The following DET1 variants were observed in gnomAD, a reference collection of about 807,000 sequenced individuals.
DET1 encodes the protein DET1 partner of COP1 E3 ubiquitin ligase.
DET1 carries 22 observed loss-of-function variants against 43.7 expected under a neutral mutation model. The observed-to-expected ratio is 0.50, with a 90% CI of 0.36 to 0.72. The LOEUF (loss-of-function observed/expected upper bound fraction) is 0.72. Among genes scored for constraint, DET1 ranks in the 30% least tolerant of loss-of-function variants. The probability of loss-of-function intolerance (pLI) is 0.00; values close to 1 mark genes in which losing one functional copy is unlikely to be tolerated. For synonymous variants in DET1, 315 were observed against 266.2 expected, an observed-to-expected ratio of 1.18 and a Z score of -1.79; for missense variants, 713 against 713.3, an observed-to-expected ratio of 1.00 and a Z score of 0.00.
chr15:88,527,666 G>C lies in DET1; in HGVS notation c.1204C>G (p.Leu402Val). 1 of 1,613,796 alleles carries C rather than the reference G, an allele frequency of 6.2e-7. No individual in the cohort carries two copies. Among genetic ancestry groups the C allele is most frequent in the Non-Finnish European group, 8.5e-7 (1 of 1,179,804 alleles). The change falls in exon 3 of 5, where the codon CTG (leucine) becomes GTG (valine). Residue 402 changes from leucine (L) to valine (V), a missense_variant. Transcript: ENST00000268148. ...CAGGGAAACTGAACTTCACTGTGCA[G>C]GGTAGCATTACGAAAAAGGTCACAG... ...NFCDLFRNAT[L>V]HSEVQFPCSA...
chr15:88,523,747 C>G (rs1407882863), intron 3 of DET1, among the ~76,000 whole-genome samples: 2 of 152,228 alleles, frequency 1.3e-5, no homozygotes, highest in African/African-American at 2.4e-5. Context: ...AGTGCTCAAT[C>G]TTGCCCAGGC....
chr15:88,541,906 C>T (rs1339434065), intron 1 of DET1, among the ~76,000 whole-genome samples: 2 of 152,192 alleles, frequency 1.3e-5, no homozygotes, highest in African/African-American at 4.8e-5. Context: ...GGCTCACCGC[C>T]CAATTGCCTC....
rs191817289 is a variant in DET1, at chr15:88,520,563, G to C, written c.1272-3590C>G. On this transcript the variant is annotated intron_variant, in intron 3 of 4. Coordinates refer to ENST00000268148, the MANE Select transcript of DET1 (RefSeq NM_001144074.3). ...CTCCCCTAAACCTGCTCTACCCACAGGTTTACAGTTTAATGGCAACTCTCT... is the reference window on the plus strand; with the variant it reads ...CTCCCCTAAACCTGCTCTACCCACACGTTTACAGTTTAATGGCAACTCTCT... 2.0e-4 allele frequency among the ~76,000 whole-genome samples: 30 copies of C among 152,232 alleles called. No individual in the cohort carries two copies. In the East Asian group the frequency reaches 5.6e-3, roughly 28 times the overall value.
chr15:88,532,207 G>C (rs1320792718), intron 1 of DET1, among the ~76,000 whole-genome samples: 1 of 152,200 alleles, frequency 6.6e-6, no homozygotes, highest in African/African-American at 2.4e-5. Flanking sequence ...AGAGGCTGAA[G>C]TGGAAGGATT....
chr15:88,515,538 T>TAA (rs1491544233), intron 4 of DET1, among the ~76,000 whole-genome samples: 2,117 of 47,460 alleles, frequency 0.045, 842 homozygotes, highest in African/African-American at 0.08. Flanking sequence ...GACTCCGTCT[T>TAA]ATAAAAAAAA....
downstream of DET1, among the ~76,000 whole-genome samples, chr15:88,511,049 G>A (rs894416906): frequency 6.6e-6 from 1 of 152,152 alleles, no homozygotes; most frequent in African/African-American, 2.4e-5. Context: ...TGGGATTACA[G>A]GCATGAGCCA....
chr15:88,524,647 A>AC (rs1408609431), intron 3 of DET1, among the ~76,000 whole-genome samples: 2 of 152,078 alleles, frequency 1.3e-5, no homozygotes, highest in African/African-American at 2.4e-5. Context: ...CTGTGACCTT[A>AC]CCCCCAACCC....
chr15:88,522,512 G>GTTTTTTT lies in DET1; in HGVS notation c.1271+5080_1271+5086dup, dbSNP rs55764530. Among the ~76,000 whole-genome samples the GTTTTTTT allele has an allele frequency of 1.5e-4, 12 of 80,294 alleles. 1 individual carries two copies. In the South Asian group the frequency reaches 2.3e-3, roughly 16 times the overall value. 52.7% of individuals were successfully genotyped at this position (80,294 alleles called of 152,430 possible). A position where few individuals can be genotyped will look rare whatever the true frequency, so the allele number is the denominator to read the frequency against. The stretch of plus-strand genomic sequence containing the variant: ...TCTCATTGTTCTAGGAATGTTCCTG[G>GTTTTTTT]TTTTTTTTTTTTTTTGAGTTGGAGT... On this transcript the variant is annotated intron_variant, in intron 3 of 4. Transcript: ENST00000268148.
chr15:88,544,719 C>G (rs1487713975), intron 1 of DET1, among the ~76,000 whole-genome samples: 1 of 152,162 alleles, frequency 6.6e-6, no homozygotes, highest in African/African-American at 2.4e-5. Context: ...CCAACAGAGC[C>G]CTACTAAAAA....
rs372804200 is a variant in DET1, at chr15:88,517,641, G to A, written c.1272-668C>T. Among the ~76,000 whole-genome samples the A allele has an allele frequency of 4.6e-5, 7 of 152,270 alleles. No individual in the cohort carries two copies. In the South Asian group the frequency reaches 8.3e-4, roughly 18 times the overall value. On this transcript the variant is annotated intron_variant, in intron 3 of 4. Transcript: ENST00000268148. ...CAGCTCAACTGGGGAAAAAGGTCAAGAACTTATTTTCCCCAAATAATTGCC... is the reference window on the plus strand; with the variant it reads ...CAGCTCAACTGGGGAAAAAGGTCAAAAACTTATTTTCCCCAAATAATTGCC...
intron 4 of DET1, among the ~76,000 whole-genome samples, chr15:88,513,624 T>G (rs947002337): frequency 3.1e-4 from 22 of 70,458 alleles, no homozygotes; most frequent in Non-Finnish European, 6.7e-4. Flanking sequence ...ATTAGTGAGT[T>G]TTTTTTTTTT....
Position 88,541,474 on chromosome 15 carries a change from C to A in DET1, c.-11+5066G>T, listed in dbSNP as rs546894676. ...TTCTTTTCCAAATCTCTCGTCCCACCTTACGAGAAACACCCACAGGTGTGT... is the reference window on the plus strand; with the variant it reads ...TTCTTTTCCAAATCTCTCGTCCCACATTACGAGAAACACCCACAGGTGTGT... On this transcript the variant is annotated intron_variant, in intron 1 of 4. Coordinates refer to ENST00000268148, the MANE Select transcript of DET1 (RefSeq NM_001144074.3). 2.6e-5 allele frequency among the ~76,000 whole-genome samples: 4 copies of A among 152,114 alleles called. No homozygotes were observed. In the South Asian group the frequency reaches 8.3e-4, roughly 32 times the overall value.
intron 1 of DET1, chr15:88,536,461 T>C (rs1567072197): frequency 1.6e-6 from 1 of 640,848 alleles, no homozygotes; most frequent in Admixed American, 2.7e-5. Flanking sequence ...CCTTGAAGAA[T>C]AAGAATACAC....
chr15:88,542,903 A>G (rs534848509), intron 1 of DET1, among the ~76,000 whole-genome samples: 18 of 152,330 alleles, frequency 1.2e-4, no homozygotes, highest in African/African-American at 4.3e-4. Flanking sequence ...CCACAAGAAA[A>G]GTCAGAAAAC....
intron 1 of DET1, among the ~76,000 whole-genome samples, chr15:88,533,192 A>G (rs1392682738): frequency 6.6e-6 from 1 of 152,248 alleles, no homozygotes; most frequent in Non-Finnish European, 1.5e-5. Flanking sequence ...GATGCTCAAC[A>G]TCACTAATCA....
intron 3 of DET1, among the ~76,000 whole-genome samples, chr15:88,517,993 G>T (rs1024605446): frequency 4.6e-5 from 7 of 152,062 alleles, no homozygotes; most frequent in African/African-American, 1.4e-4. Flanking sequence ...CTGGAGGGCA[G>T]TGGCACAACC....
At position 88,531,553 on chromosome 15, in the gene DET1, T is replaced by A; in HGVS notation, c.153A>T (p.Thr51=). 1 of 1,613,982 alleles carries A rather than the reference T, an allele frequency of 6.2e-7. No homozygotes were observed. The stretch of plus-strand genomic sequence containing the variant: ...AAGGAGGCTTTTCAACGTTGACAAC[T>A]GTGAAGTTGGGGAAGACATTCTGAT... The part of the protein sequence containing the change: ...VFHQNVFPNF[T]VVNVEKPPCF... Residue 51 remains threonine, a synonymous_variant, in exon 2 of 5, where the codon ACA becomes ACT. Transcript: ENST00000268148. The surrounding 1 kb of genome is among the most constrained non-coding windows in gnomAD (Gnocchi z 6.2).
intron 7 of DET1, among the ~76,000 whole-genome samples, chr15:88,506,531 A>G (rs1465329507): frequency 6.6e-6 from 1 of 151,268 alleles, no homozygotes; most frequent in Non-Finnish European, 1.5e-5. Context: ...AAATCACTTA[A>G]TATGCTCAAT....
intron 1 of DET1, among the ~76,000 whole-genome samples, chr15:88,545,622 A>G (rs1169182717): frequency 6.7e-6 from 1 of 149,436 alleles, no homozygotes; most frequent in Admixed American, 6.7e-5. Context: ...TTAATTTTGT[A>G]AAACAATGCA....
Sources: gnomAD v4.1 joint callset for allele counts (sites outside exome capture counted in the v4.1 genomes callset) on GRCh38, gnomAD v4.1.1 for gene constraint, Gnocchi (gnomAD v3.1) non-coding constraint, MANE v1.5 for transcripts, NCBI Gene and HGNC (gene_info 2026-07-23, HGNC 2026-07-21) for gene names.